The following FBXW11 variants were observed in gnomAD, a reference collection of about 807,000 sequenced individuals.
FBXW11 encodes F-box and WD repeat domain containing 11.
FBXW11 carries 19 observed loss-of-function variants against 77.6 expected under a neutral mutation model. That is an observed-to-expected ratio of 0.24 (90% CI 0.17 to 0.36). FBXW11 has a LOEUF of 0.36. FBXW11 is among the 10% of genes least tolerant of loss of function. The pLI, the probability that FBXW11 is intolerant of heterozygous loss-of-function variation, is 1.00. For missense variants in FBXW11, 334 were observed against 704.2 expected (o/e 0.47, Z 5.95); for synonymous variants, 235 against 249.4 (o/e 0.94, Z 0.54).
intron 2 of FBXW11, among the ~76,000 whole-genome samples, chr5:171,944,236 T>TTA (rs1031381833): frequency 2.0e-5 from 3 of 151,662 alleles, no homozygotes; most frequent in Non-Finnish European, 2.9e-5. Flanking sequence ...ATATAATAAA[T>TTA]TATATATATA....
intron 10 of FBXW11, among the ~76,000 whole-genome samples, chr5:171,871,666 CT>C (rs1378187361): frequency 6.6e-6 from 1 of 152,148 alleles, no homozygotes; most frequent in Non-Finnish European, 1.5e-5. Context: ...AAAATCATAG[CT>C]AGTTAGCATG....
chr5:171,909,132 G>C (rs1760721549), intron 4 of FBXW11, among the ~76,000 whole-genome samples: 1 of 152,012 alleles, frequency 6.6e-6, no homozygotes, highest in South Asian at 2.1e-4. Context: ...TATAGAAACA[G>C]AAAAAAATTC....
intron 2 of FBXW11, among the ~76,000 whole-genome samples, chr5:171,946,778 T>C (rs1763031098): frequency 6.6e-6 from 1 of 150,730 alleles, no homozygotes; most frequent in Non-Finnish European, 1.5e-5. Context: ...ACAGAACATA[T>C]TACTATCTAA....
chr5:171,963,891 A>T (rs908328120), intron 1 of FBXW11, among the ~76,000 whole-genome samples: 2 of 152,198 alleles, frequency 1.3e-5, no homozygotes, highest in African/African-American at 4.8e-5. Flanking sequence ...AAAACCAAGG[A>T]TGTTTTTATA....
chr5:171,881,116 A>G (rs1758474969), intron 7 of FBXW11, among the ~76,000 whole-genome samples: 1 of 152,148 alleles, frequency 6.6e-6, no homozygotes, highest in East Asian at 1.9e-4. Flanking sequence ...TATTAGTTCT[A>G]GGAGGTTTTT....
intron 2 of FBXW11, among the ~76,000 whole-genome samples, chr5:171,931,260 G>A (rs1762175759): frequency 6.6e-6 from 1 of 152,220 alleles, no homozygotes; most frequent in African/African-American, 2.4e-5. Context: ...CAAAGTTCAA[G>A]GAATGATACT....
chr5:171,957,500 G>A, intron 2 of FBXW11, 97 bp downstream of exon 2: 1 of 1,122,442 alleles, frequency 8.9e-7, no homozygotes, highest in African/African-American at 1.5e-5. Flanking sequence ...AGAACATTTA[G>A]CAGACTTAAC....
intron 2 of FBXW11, among the ~76,000 whole-genome samples, chr5:171,945,234 T>C (rs1035339354): frequency 6.6e-6 from 1 of 152,252 alleles, no homozygotes; most frequent in East Asian, 1.9e-4. Flanking sequence ...AGAGGAGATA[T>C]CTGATCATGC....
At chr5:171,939,715 A>AAAAG (rs1312979884) in intron 2 of FBXW11, among the ~76,000 whole-genome samples, 39 of 148,172 alleles carry the variant, frequency 2.6e-4, no homozygotes, top group African/African-American at 5.9e-4. Context: ...AAAAAAAAAA[A>AAAAG]AAAGAAAGAA....
rs1757112632 is a variant in FBXW11 at position 171,861,857 on chromosome 5, TA to T, written c.*2269del. The T allele has an allele frequency of 1.3e-5, 2 of 152,640 alleles. No individual in the cohort carries two copies. Among genetic ancestry groups the T allele is most frequent in the African/African-American group, 4.8e-5 (2 of 41,448 alleles). The allele number at this position is 152,640 out of a possible 1,614,324, so 9.5% of individuals were successfully genotyped here. A position where few individuals can be genotyped will look rare whatever the true frequency, so the allele number is the denominator to read the frequency against. On this transcript the variant is annotated 3_prime_UTR_variant, in exon 14 of 14. Coordinates refer to ENST00000517395, the MANE Select transcript of FBXW11 (RefSeq NM_001378974.1). Reference sequence around the variant, plus strand: ...TTAGAATTAGACTATCCCAGTGCTTTAAAACATTAATATAGCAGTAATTTAC... The same window carrying T: ...TTAGAATTAGACTATCCCAGTGCTTTAAACATTAATATAGCAGTAATTTAC...
At chr5:171,941,023 C>T (rs560953144) in intron 2 of FBXW11, among the ~76,000 whole-genome samples, 2 of 152,128 alleles carry the variant, frequency 1.3e-5, no homozygotes, top group African/African-American at 4.8e-5. Flanking sequence ...TAGGTGTATA[C>T]TGATAGAATA....
At chr5:171,926,501 C>A (rs1761898948) in intron 2 of FBXW11, among the ~76,000 whole-genome samples, 1 of 152,150 alleles carries the variant, frequency 6.6e-6, no homozygotes, top group Non-Finnish European at 1.5e-5. Context: ...TAACACCAAC[C>A]CCCTTGGTGC....
chr5:171,916,471 A>G (rs1388917384), intron 2 of FBXW11: 1 of 985,290 alleles, frequency 1.0e-6, no homozygotes, highest in Non-Finnish European at 1.2e-6. Flanking sequence ...CTAGAGAGGA[A>G]GGCAGTGTGT....
chr5:171,931,629 A>T (rs1258517134), intron 2 of FBXW11, among the ~76,000 whole-genome samples: 1 of 152,226 alleles, frequency 6.6e-6, no homozygotes, highest in Non-Finnish European at 1.5e-5. Context: ...ACTTTCTTAG[A>T]CATATCAAAG....
intron 1 of FBXW11, chr5:172,003,443 A>G (rs977205440): frequency 9.2e-5 from 14 of 152,254 alleles, no homozygotes. Flanking sequence ...AAAATGAATT[A>G]CTAGTTTTCT....
chr5:171,889,842 C>T (rs1269705083), intron 7 of FBXW11, among the ~76,000 whole-genome samples: 2 of 152,078 alleles, frequency 1.3e-5, no homozygotes, highest in African/African-American at 2.4e-5. Context: ...GAGCTGAGAT[C>T]GTGCCATTGC....
At chr5:171,920,032 T>C (rs1761494948) in intron 2 of FBXW11, among the ~76,000 whole-genome samples, 1 of 152,120 alleles carries the variant, frequency 6.6e-6, no homozygotes, top group South Asian at 2.1e-4. Flanking sequence ...GGCACATGCC[T>C]GTAGTCTCAG....
At chr5:171,870,931 C>A in intron 10 of FBXW11, 73 bp from the exon 11 acceptor site, 2 of 987,510 alleles carry the variant, frequency 2.0e-6, no homozygotes, top group South Asian at 2.8e-5. Context: ...TTTTTTATAT[C>A]TGTTCCATAC....
At chr5:171,878,603 A>AGTGAGTGT (rs1758290543) in intron 7 of FBXW11, among the ~76,000 whole-genome samples, 1 of 128,474 alleles carries the variant, frequency 7.8e-6, no homozygotes, top group Non-Finnish European at 1.6e-5. Flanking sequence ...AGAGAGAGAG[A>AGTGAGTGT]GTGTGTGTGT....
Sources: allele counts gnomAD v4.1 joint callset (sites outside exome capture counted in the v4.1 genomes callset), GRCh38; gene constraint gnomAD v4.1.1; transcripts MANE v1.5; gene names NCBI Gene and HGNC (gene_info 2026-07-23, HGNC 2026-07-21).